CRBN: variants seen among roughly 807,000 people sequenced by gnomAD.
CRBN encodes cereblon, also known as protein cereblon.
Under a neutral mutation model 62.2 loss-of-function variants are expected in CRBN, and 53 were observed. That is an observed-to-expected ratio of 0.85 (90% CI 0.68 to 1.07). CRBN has a LOEUF of 1.07. Ranked by LOEUF, CRBN falls within the 50% of genes least tolerant of loss-of-function variation. The pLI is 0.00. For missense variants in CRBN, 616 were observed against 531.1 expected (o/e 1.16, Z -1.57); for synonymous variants, 208 against 176.1 (o/e 1.18, Z -1.43).
In CRBN at chr3:3,150,153, A is replaced by G. The variant is rs546121348; in HGVS notation, c.*712T>C. 3 of 152,316 alleles carry G rather than the reference A, an allele frequency of 2.0e-5. No homozygotes were observed. In the South Asian group the frequency reaches 6.2e-4, roughly 32 times the overall value. The allele number at this position is 152,316 out of a possible 1,614,324, so 9.4% of individuals were successfully genotyped here. A position where few individuals can be genotyped will look rare whatever the true frequency, so the allele number is the denominator to read the frequency against. Reference sequence around the variant, plus strand: ...ATAGTAGTAGTTTTGGTTCAAATTAATTTTTGAAAAATAGCTTTTGTATGG... The same window carrying G: ...ATAGTAGTAGTTTTGGTTCAAATTAGTTTTTGAAAAATAGCTTTTGTATGG... On this transcript the variant is annotated 3_prime_UTR_variant, in exon 11 of 11. Coordinates refer to ENST00000231948, the MANE Select transcript of CRBN (RefSeq NM_016302.4).
intron 5 of CRBN, among the ~76,000 whole-genome samples, chr3:3,166,923 GTC>G (rs1278531198): frequency 6.8e-6 from 1 of 147,562 alleles, no homozygotes; most frequent in African/African-American, 2.5e-5. Context: ...AGTGGAAACT[GTC>G]TTTCCATATT....
rs1016967707 is a variant in CRBN at position 3,170,963 on chromosome 3, G to A, written c.527+1813C>T. Among the ~76,000 whole-genome samples, 5 of 152,022 alleles carry A rather than the reference G, an allele frequency of 3.3e-5. No individual in the cohort carries two copies. In the East Asian group the frequency reaches 5.8e-4, roughly 18 times the overall value. On this transcript the variant is annotated intron_variant, in intron 4 of 10. Coordinates refer to ENST00000231948, the MANE Select transcript of CRBN (RefSeq NM_016302.4). Reference sequence around the variant, plus strand: ...TGGGATTACAGTCATGCGCCACCATGCCCGGCTAACTTTGTATTTTTAGTA... The same window carrying A: ...TGGGATTACAGTCATGCGCCACCATACCCGGCTAACTTTGTATTTTTAGTA...
chr3:3,158,401 G>T (rs1389581693), intron 5 of CRBN, among the ~76,000 whole-genome samples: 2 of 152,210 alleles, frequency 1.3e-5, no homozygotes, highest in Admixed American at 6.5e-5. Flanking sequence ...TGCCAAAGGT[G>T]ATCTGAGATG....
At chr3:3,153,638 A>AGAT in intron 8 of CRBN, 150 bp from the exon 9 acceptor site, 1 of 663,874 alleles carries the variant, frequency 1.5e-6, no homozygotes, top group Non-Finnish European at 2.7e-6. Context: ...ACACTTTTAA[A>AGAT]GATGGAGCAC....
chr3:3,154,672 G>A (rs1349031495), intron 7 of CRBN, 75 bp downstream of exon 7: 2 of 803,346 alleles, frequency 2.5e-6, no homozygotes, highest in East Asian at 4.8e-5. Context: ...AGATATGATT[G>A]GATCGCATCC....
Position 3,151,043 on chromosome 3 carries a change from T to C in CRBN, c.1151A>G (p.Tyr384Cys). Reference protein sequence around the residue: ...PSTEHSWFPGYAWTVAQCKIC... With the variant: ...PSTEHSWFPGCAWTVAQCKIC... Reference sequence around the variant, plus strand: ...CTTACACTGGGCAACAGTCCAGGCATACCTAAGAAATTAAGGAAAGATATC... The same window carrying C: ...CTTACACTGGGCAACAGTCCAGGCACACCTAAGAAATTAAGGAAAGATATC... The change falls in exon 11 of 11, where the codon TAT becomes TGT. Residue 384 changes from tyrosine to cysteine, a missense_variant and splice_region_variant. By Grantham distance (194) the Tyr-to-Cys change is radical. Coordinates refer to ENST00000231948, the MANE Select transcript of CRBN (RefSeq NM_016302.4). The C allele has an allele frequency of 6.2e-7, 1 of 1,613,794 alleles. No homozygotes were observed. The highest frequency in any genetic ancestry group is 8.5e-7 in the Non-Finnish European group (1 of 1,179,854).
At chr3:3,175,054 C>A in intron 2 of CRBN, 109 bp downstream of exon 2, 1 of 794,490 alleles carries the variant, frequency 1.3e-6, no homozygotes, top group Non-Finnish European at 2.1e-6. Context: ...TGTCCTCATC[C>A]ACAATTTCTG....
intron 7 of CRBN, 80 bp downstream of exon 7, chr3:3,154,667 T>A (rs532571439): frequency 3.9e-5 from 31 of 795,422 alleles, no homozygotes; most frequent in Middle Eastern, 2.2e-4. Context: ...CTAGAAGATA[T>A]GATTGGATCG....
At chr3:3,170,874 TG>T (rs1475266429) in intron 4 of CRBN, among the ~76,000 whole-genome samples, 8 of 152,300 alleles carry the variant, frequency 5.3e-5, no homozygotes, top group African/African-American at 1.9e-4. Context: ...GGTGCCATCT[TG>T]GCTCACCACA....
intron 5 of CRBN, chr3:3,156,511 G>A (rs1559245110): frequency 3.7e-6 from 2 of 539,926 alleles, no homozygotes; most frequent in Non-Finnish European, 6.6e-6. Flanking sequence ...ATTTAAAAAG[G>A]TCAAACATTA....
chr3:3,174,001 A>G, intron 3 of CRBN, 58 bp downstream of exon 3: 1 of 1,409,928 alleles, frequency 7.1e-7, no homozygotes, highest in Admixed American at 1.7e-5. Context: ...TTCAACACTG[A>G]CCACTGCAAT....
At chr3:3,166,409 T>C (rs746533715) in intron 5 of CRBN, among the ~76,000 whole-genome samples, 47 of 152,260 alleles carry the variant, frequency 3.1e-4, no homozygotes, top group Admixed American at 2.2e-3. Flanking sequence ...CCAATAAACC[T>C]CTTTTTTTGT....
intron 10 of CRBN, among the ~76,000 whole-genome samples, chr3:3,151,526 C>G (rs1278741278): frequency 1.3e-5 from 2 of 152,058 alleles, no homozygotes; most frequent in African/African-American, 4.8e-5. Flanking sequence ...GAACGATTGT[C>G]AGATAATGCA....
At chr3:3,178,183 G>A (rs1707908557) in intron 1 of CRBN, among the ~76,000 whole-genome samples, 2 of 152,162 alleles carry the variant, frequency 1.3e-5, no homozygotes, top group Non-Finnish European at 2.9e-5. Flanking sequence ...AGAGAGTAGG[G>A]CTAATGTCTC....
intron 5 of CRBN, among the ~76,000 whole-genome samples, chr3:3,157,800 G>A (rs1706963980): frequency 1.3e-5 from 2 of 152,176 alleles, no homozygotes; most frequent in Non-Finnish European, 2.9e-5. Context: ...TTTAACAGAA[G>A]ACTAGAATCT....
At chr3:3,167,500 A>G (rs1707395782) in intron 5 of CRBN, 134 bp downstream of exon 5, 1 of 856,574 alleles carries the variant, frequency 1.2e-6, no homozygotes, top group Non-Finnish European at 1.8e-6. Flanking sequence ...TTTTTAGAGG[A>G]TCAAATGTAG....
chr3:3,167,846 A>G (rs981773122), intron 4 of CRBN, 53 bp from the exon 5 acceptor site: 5 of 1,548,516 alleles, frequency 3.2e-6, no homozygotes, highest in Non-Finnish European at 4.5e-6. Flanking sequence ...GACTAACTCA[A>G]AACTATAAGT....
Position 3,152,444 on chromosome 3 carries a change from C to T in CRBN, c.1148+12G>A. The T allele has an allele frequency of 3.1e-6, 5 of 1,611,834 alleles. No individual in the cohort carries two copies. The highest frequency in any genetic ancestry group is 4.2e-6 in the Non-Finnish European group (5 of 1,179,480). ...AAAAGAAAAAAAAAAGCAACCACCA[C>T]CATAATATTACCCAGGAAACCAGCT... On this transcript the variant is annotated intron_variant, in intron 10 of 10. Coordinates refer to ENST00000231948, the MANE Select transcript of CRBN (RefSeq NM_016302.4).
rs1357492415 is a variant in CRBN at position 3,150,942 on chromosome 3, T to C, written c.1252A>G (p.Thr418Ala). 1 of 1,613,894 alleles carries C rather than the reference T, an allele frequency of 6.2e-7. No homozygotes were observed. Among genetic ancestry groups the C allele is most frequent in the Non-Finnish European group, 8.5e-7 (1 of 1,179,970 alleles). Reference sequence around the variant, plus strand: ...ATCGTGGGCAACAGAGCAGATCGCGTTAAGCCCCAAAATTTTTGAGGTGAC... The same window carrying C: ...ATCGTGGGCAACAGAGCAGATCGCGCTAAGCCCCAAAATTTTTGAGGTGAC... ...DMSPQKFWGLTRSALLPTIPD... is the reference protein window; with the variant it reads ...DMSPQKFWGLARSALLPTIPD... The change falls in exon 11 of 11, where the codon ACG (threonine) becomes GCG (alanine). Residue 418 changes from threonine to alanine, a missense_variant. Physicochemically the swap from Thr to Ala is moderately conservative, Grantham distance 58. Coordinates refer to ENST00000231948, the MANE Select transcript of CRBN (RefSeq NM_016302.4).
Sources: allele counts gnomAD v4.1 joint callset (sites outside exome capture counted in the v4.1 genomes callset), GRCh38; gene constraint gnomAD v4.1.1; transcripts MANE v1.5; gene names NCBI Gene and HGNC (gene_info 2026-07-23, HGNC 2026-07-21).